The following GPLD1 variants were observed in gnomAD, a reference collection of about 807,000 sequenced individuals.
GPLD1 encodes phosphatidylinositol-glycan-specific phospholipase D.
GPLD1 carries 84 observed loss-of-function variants against 112.6 expected under a neutral mutation model. That is an observed-to-expected ratio of 0.75 (90% confidence interval 0.63 to 0.89). The LOEUF (loss-of-function observed/expected upper bound fraction) is 0.89, where lower values mean the gene tolerates loss of function less well. Ranked by LOEUF, GPLD1 falls within the 40% of genes least tolerant of loss-of-function variation. GPLD1 has a pLI of 0.00. For missense variants in GPLD1, 1,044 were observed against 1,051.5 expected (o/e 0.99, Z 0.10); for synonymous variants, 386 against 403.8 (o/e 0.96, Z 0.53).
intron 7 of GPLD1, among the ~76,000 whole-genome samples, chr6:24,469,868 A>G (rs1217286691): frequency 6.6e-6 from 1 of 152,224 alleles, no homozygotes; most frequent in African/African-American, 2.4e-5. Context: ...TAAAAGAAAG[A>G]AACAATTGAG....
chr6:24,464,494 A>T (rs190049881), intron 10 of GPLD1, among the ~76,000 whole-genome samples: 2 of 152,324 alleles, frequency 1.3e-5, no homozygotes, highest in East Asian at 3.9e-4. Context: ...ACCGATTGTT[A>T]AAAACAAGTT....
At chr6:24,453,699 C>CGAGTGT (rs1554131049) in intron 14 of GPLD1, among the ~76,000 whole-genome samples, 2 of 150,404 alleles carry the variant, frequency 1.3e-5, no homozygotes, top group East Asian at 3.9e-4. Context: ...ACATACATTT[C>CGAGTGT]GTGTGTGTGT....
intron 24 of GPLD1, among the ~76,000 whole-genome samples, chr6:24,432,640 G>T (rs573651602): frequency 1.3e-5 from 2 of 152,290 alleles, no homozygotes; most frequent in Non-Finnish European, 2.9e-5. Context: ...AAGTCTGGAA[G>T]AAAATAGCAA....
At chr6:24,461,099 T>C (rs924141616) in intron 11 of GPLD1, among the ~76,000 whole-genome samples, 1 of 152,116 alleles carries the variant, frequency 6.6e-6, no homozygotes. Flanking sequence ...TAAAAATACA[T>C]TTTCACATTC....
In GPLD1 at chr6:24,454,123, G is replaced by C; in HGVS notation, c.1227C>G (p.Gly409=). The C allele has an allele frequency of 6.2e-7, 1 of 1,614,034 alleles. No homozygotes were observed. The highest frequency in any genetic ancestry group is 8.5e-7 in the Non-Finnish European group (1 of 1,179,928). ...GGTACACGCGCCCGATGTGGATGTG[G>C]CCGGGGCGGCTGTAGCCTGGTGCGC... ...VVGAPGYSRP[G]HIHIGRVYLI... Residue 409 remains glycine, a synonymous_variant, in exon 14 of 25, where the codon GGC becomes GGG. Coordinates refer to ENST00000230036, the MANE Select transcript of GPLD1 (RefSeq NM_001503.4).
At chr6:24,491,805 G>A (rs556456070), upstream of GPLD1, among the ~76,000 whole-genome samples, 21 of 152,080 alleles carry the variant, frequency 1.4e-4, no homozygotes, top group African/African-American at 4.8e-4. Context: ...TGACATAAAC[G>A]TATAAATGTA....
At chr6:24,471,997 G>C (rs780552794) in intron 7 of GPLD1, among the ~76,000 whole-genome samples, 1 of 149,740 alleles carries the variant, frequency 6.7e-6, no homozygotes, top group African/African-American at 2.5e-5. Flanking sequence ...CACAATAAGT[G>C]AAAGGACATA....
chr6:24,462,619 G>C, intron 11 of GPLD1, 111 bp downstream of exon 11: 1 of 703,758 alleles, frequency 1.4e-6, no homozygotes, highest in Non-Finnish European at 2.5e-6. Flanking sequence ...GACAAATCTG[G>C]AATTTGAACC....
At chr6:24,452,167 G>C (rs2127339529) in intron 14 of GPLD1, among the ~76,000 whole-genome samples, 1 of 152,300 alleles carries the variant, frequency 6.6e-6, no homozygotes, top group Non-Finnish European at 1.5e-5. Flanking sequence ...TCTCACCCAA[G>C]TGGTCTTTGA....
At chr6:24,447,189 C>T (rs1366435095) in intron 17 of GPLD1, among the ~76,000 whole-genome samples, 1 of 152,108 alleles carries the variant, frequency 6.6e-6, no homozygotes, top group Non-Finnish European at 1.5e-5. Context: ...GAGCTCACTT[C>T]TGTGGAGCAG....
chr6:24,453,614 T>C (rs1279607322), intron 14 of GPLD1, among the ~76,000 whole-genome samples: 1 of 152,002 alleles, frequency 6.6e-6, no homozygotes, highest in African/African-American at 2.4e-5. Flanking sequence ...CCAGCCTGGG[T>C]GACAGAGCAA....
At chr6:24,437,080 A>C (rs1478133433) in intron 21 of GPLD1, 33 bp downstream of exon 21, 2 of 1,600,546 alleles carry the variant, frequency 1.2e-6, no homozygotes, top group Non-Finnish European at 1.7e-6. Context: ...AAAGGGACTC[A>C]ATTCTTGTCA....
chr6:24,477,423 C>T (rs1764055933), intron 3 of GPLD1, among the ~76,000 whole-genome samples: 1 of 151,874 alleles, frequency 6.6e-6, no homozygotes, highest in Non-Finnish European at 1.5e-5. Context: ...TAAACTAATA[C>T]AAATGAAGAG....
intron 22 of GPLD1, among the ~76,000 whole-genome samples, chr6:24,436,116 T>C (rs1762571377): frequency 6.6e-6 from 1 of 151,320 alleles, no homozygotes; most frequent in South Asian, 2.1e-4. Flanking sequence ...ATTAGCCGGG[T>C]GTGGTGGCAC....
At chr6:24,472,779 C>CT in intron 6 of GPLD1, 143 bp from the exon 7 acceptor site, 1 of 580,184 alleles carries the variant, frequency 1.7e-6, no homozygotes, top group Non-Finnish European at 3.1e-6. Context: ...TAAAGGCATG[C>CT]CTTTTTTTTT....
chr6:24,489,484 G>C lies in GPLD1; in HGVS notation c.28C>G (p.Leu10Val), dbSNP rs776296795. The C allele has an allele frequency of 6.8e-6, 11 of 1,613,868 alleles. No individual in the cohort carries two copies. The highest frequency in any genetic ancestry group is 1.7e-5 in the Admixed American group (1 of 60,002). Residue 10 changes from leucine to valine, a missense_variant, in exon 1 of 25, where the codon CTG (leucine) becomes GTG (valine). Leu to Val is a conservative substitution (Grantham distance 32). Transcript: ENST00000230036. ...CAGAGAGAACCCAACATGATCAGCA[G>C]GCCAGGCCACAACCTGAAAGCAGAC... MSAFRLWPG[L>V]LIMLGSLCHR...
chr6:24,454,137 A>G lies in GPLD1; in HGVS notation c.1213T>C (p.Tyr405His). ...HGDLVVGAPGYSRPGHIHIGR... is the reference protein window; with the variant it reads ...HGDLVVGAPGHSRPGHIHIGR... The stretch of plus-strand genomic sequence containing the variant: ...ATGTGGATGTGGCCGGGGCGGCTGT[A>G]GCCTGGTGCGCCCACCACGAGGTCA... Residue 405 changes from tyrosine (Y) to histidine (H), a missense_variant, in exon 14 of 25, where the codon TAC (tyrosine) becomes CAC (histidine). Physicochemically the swap from Tyr to His is moderately conservative, Grantham distance 83. Coordinates refer to ENST00000230036, the MANE Select transcript of GPLD1 (RefSeq NM_001503.4). 1 of 1,614,038 alleles carries G rather than the reference A, an allele frequency of 6.2e-7. No homozygotes were observed. The highest frequency in any genetic ancestry group is 2.2e-5 in the East Asian group (1 of 44,874).
At chr6:24,488,559 A>C (rs1764458875) in intron 1 of GPLD1, among the ~76,000 whole-genome samples, 1 of 152,240 alleles carries the variant, frequency 6.6e-6, no homozygotes, top group Non-Finnish European at 1.5e-5. Flanking sequence ...TTCATACAAG[A>C]ACCAAATCCT....
At chr6:24,448,537 T>A (rs1028719298) in intron 15 of GPLD1, among the ~76,000 whole-genome samples, 2 of 152,190 alleles carry the variant, frequency 1.3e-5, no homozygotes, top group Non-Finnish European at 2.9e-5. Flanking sequence ...GGAATTTTTT[T>A]AAAGTCTGTC....
Sources: allele counts gnomAD v4.1 joint callset (sites outside exome capture counted in the v4.1 genomes callset), GRCh38; gene constraint gnomAD v4.1.1; transcripts MANE v1.5; gene names NCBI Gene and HGNC (gene_info 2026-07-23, HGNC 2026-07-21).